The following ANKRD33B variants were observed in gnomAD, a reference collection of about 807,000 sequenced individuals.
The protein encoded by ANKRD33B is ankyrin repeat domain-containing protein 33B.
ANKRD33B carries 6 observed loss-of-function variants against 21.5 expected under a neutral mutation model. The ratio of observed to expected loss-of-function variants is 0.28; its 90% confidence interval spans 0.15 to 0.55. The LOEUF (loss-of-function observed/expected upper bound fraction) is 0.55, where lower values mean the gene tolerates loss of function less well. Ranked by LOEUF, ANKRD33B falls within the 20% of genes least tolerant of loss-of-function variation. The pLI is 0.94. For missense variants in ANKRD33B, 698 were observed against 747.2 expected (o/e 0.93, Z 0.77); for synonymous variants, 347 against 342.4 (o/e 1.01, Z -0.15).
intron 2 of ANKRD33B, among the ~76,000 whole-genome samples, chr5:10,634,675 T>A (rs11747713): frequency 6.7e-6 from 1 of 150,256 alleles, no homozygotes; most frequent in Non-Finnish European, 1.5e-5. Flanking sequence ...AGGCCGGTCT[T>A]GAACTCCTGG....
chr5:10,637,431 C>G (rs1023130930), intron 2 of ANKRD33B, among the ~76,000 whole-genome samples: 1 of 136,104 alleles, frequency 7.3e-6, no homozygotes, highest in African/African-American at 2.7e-5. Flanking sequence ...GTTAGACACA[C>G]ACACACACAC....
In ANKRD33B at chr5:10,619,219, G is replaced by C. The variant is rs925655333; in HGVS notation, c.496+757G>C. The stretch of plus-strand genomic sequence containing the variant: ...CTCCAAAGATTCTGTCTGTTTCATC[G>C]GTCAAGTTCTCAGTTGCAAGCAAAG... On this transcript the variant is annotated intron_variant, in intron 2 of 3. Transcript: ENST00000296657. The surrounding 1 kb of genome is among the most constrained non-coding windows in gnomAD (Gnocchi z 4.5). 1.8e-5 allele frequency: 14 copies of C among 789,186 alleles called. No homozygotes were observed. The highest frequency in any genetic ancestry group is 2.1e-5 in the Non-Finnish European group (14 of 651,172). The allele number at this position is 789,186 out of a possible 1,614,324, so 48.9% of individuals were successfully genotyped here. A position where few individuals can be genotyped will look rare whatever the true frequency, so the allele number is the denominator to read the frequency against.
At position 10,619,102 on chromosome 5, in the gene ANKRD33B, A is replaced by G. The variant is rs1736354375; in HGVS notation, c.496+640A>G. Among the ~76,000 whole-genome samples the G allele has an allele frequency of 6.6e-6, 1 of 152,180 alleles. No homozygotes were observed. The highest frequency in any genetic ancestry group is 1.5e-5 in the Non-Finnish European group (1 of 68,024). On this transcript the variant is annotated intron_variant, in intron 2 of 3. Transcript: ENST00000296657. This position sits in a 1 kb window ranked among gnomAD's most constrained non-coding sequence, Gnocchi z 4.5. ...TCCAGACATTTTTTTGAGGACAGAC[A>G]TGAAACCTATGCTTGCCTCTTCATA...
Position 10,650,501 on chromosome 5 carries a change from G to GT in ANKRD33B, c.*392dup, listed in dbSNP as rs141963763. On this transcript the variant is annotated 3_prime_UTR_variant, in exon 4 of 4. Transcript: ENST00000296657. ...GATAGGGCCCCTTATATCCAAGGCA[G>GT]TTTTAATACACTTGCCTGAAGACCT... The GT allele has an allele frequency of 6.4e-6, 1 of 156,050 alleles. No individual in the cohort carries two copies. Among genetic ancestry groups the GT allele is most frequent in the East Asian group, 1.8e-4 (1 of 5,440 alleles). 9.7% of individuals were successfully genotyped at this position (156,050 alleles called of 1,614,324 possible).
At chr5:10,641,792 T>C (rs911925174) in intron 3 of ANKRD33B, among the ~76,000 whole-genome samples, 64 of 132,586 alleles carry the variant, frequency 4.8e-4, no homozygotes, top group African/African-American at 1.7e-3. Flanking sequence ...ATGAAAACTT[T>C]CTTGGAAATA....
chr5:10,589,247 G>A (rs918683581), intron 1 of ANKRD33B, among the ~76,000 whole-genome samples: 1 of 152,100 alleles, frequency 6.6e-6, no homozygotes, highest in African/African-American at 2.4e-5. Context: ...CCTGCTGGTC[G>A]AAGGAGCAGG....
intron 2 of ANKRD33B, among the ~76,000 whole-genome samples, chr5:10,621,124 C>A (rs549814722): frequency 6.6e-6 from 1 of 152,284 alleles, no homozygotes; most frequent in African/African-American, 2.4e-5. Flanking sequence ...CTGAAGATGG[C>A]TCCAGTGTCC....
In ANKRD33B at chr5:10,649,837, G is replaced by A. The variant is rs1381469596; in HGVS notation, c.1209G>A (p.Lys403=). ...GCCCCGCAGCGCCCGCCCCGCGGAA[G>A]GCCAGCCTCCTGCCCCTGCAGCGCC... ...SRGPAAPAPR[K]ASLLPLQRLR... The change falls in exon 4 of 4, where the codon AAG becomes AAA. Residue 403 remains lysine, a synonymous_variant. Coordinates refer to ENST00000296657, the MANE Select transcript of ANKRD33B (RefSeq NM_001164440.2). The A allele has an allele frequency of 3.6e-6, 5 of 1,400,468 alleles. No homozygotes were observed. Among genetic ancestry groups the A allele is most frequent in the Non-Finnish European group, 4.6e-6 (5 of 1,082,726 alleles). 86.8% of individuals were successfully genotyped at this position (1,400,468 alleles called of 1,614,324 possible).
At chr5:10,648,259 C>T (rs1308269581) in intron 3 of ANKRD33B, among the ~76,000 whole-genome samples, 2 of 152,224 alleles carry the variant, frequency 1.3e-5, no homozygotes, top group Non-Finnish European at 2.9e-5. Context: ...GTGGGAGAAG[C>T]GAAGGAACCA....
intron 1 of ANKRD33B, among the ~76,000 whole-genome samples, chr5:10,582,380 G>C (rs187523886): frequency 3.3e-5 from 5 of 152,134 alleles, no homozygotes; most frequent in African/African-American, 1.2e-4. Flanking sequence ...CCTGTATCCA[G>C]TCATTTCCCA....
In ANKRD33B at chr5:10,656,300, TG is replaced by T. The variant is rs1425747567; in HGVS notation, c.*6188del. ...AAGCGACTCAGCTGAAAGCCGGTGT[TG>T]CATACACAATTTCCTCACGCTGACC... On this transcript the variant is annotated 3_prime_UTR_variant, in exon 4 of 4. Coordinates refer to ENST00000296657, the MANE Select transcript of ANKRD33B (RefSeq NM_001164440.2). 3 of 152,412 alleles carry T rather than the reference TG, an allele frequency of 2.0e-5. No homozygotes were observed. The highest frequency in any genetic ancestry group is 2.9e-5 in the Non-Finnish European group (2 of 68,042). 9.4% of individuals were successfully genotyped at this position (152,412 alleles called of 1,614,324 possible). A position where few individuals can be genotyped will look rare whatever the true frequency, so the allele number is the denominator to read the frequency against.
chr5:10,609,094 G>A (rs529375580), intron 1 of ANKRD33B, among the ~76,000 whole-genome samples: 2 of 152,298 alleles, frequency 1.3e-5, no homozygotes, highest in East Asian at 1.9e-4. Flanking sequence ...GAGGTGTGCC[G>A]TAAGTGTAAA....
At chr5:10,640,001 G>A (rs1236604076) in intron 3 of ANKRD33B, among the ~76,000 whole-genome samples, 1 of 72,240 alleles carries the variant, frequency 1.4e-5, no homozygotes, top group African/African-American at 3.8e-5. Context: ...CGATGTTAGC[G>A]GGTGACGTGG....
chr5:10,565,804 C>A (rs1362751239), intron 1 of ANKRD33B, among the ~76,000 whole-genome samples: 1 of 152,204 alleles, frequency 6.6e-6, no homozygotes, highest in Non-Finnish European at 1.5e-5. Flanking sequence ...GCGTTCTCAC[C>A]TGATTTTTGT....
intron 1 of ANKRD33B, among the ~76,000 whole-genome samples, chr5:10,603,765 G>A (rs1024937126): frequency 1.5e-4 from 22 of 151,564 alleles, no homozygotes; most frequent in African/African-American, 4.6e-4. Flanking sequence ...TTTATCTTAT[G>A]GTAATTTAAG....
At chr5:10,626,532 G>A (rs1313577142) in intron 2 of ANKRD33B, among the ~76,000 whole-genome samples, 20 of 152,196 alleles carry the variant, frequency 1.3e-4, no homozygotes, top group Admixed American at 1.3e-3. Flanking sequence ...TCAACCACAA[G>A]GACACTGCCT....
chr5:10,564,282 C>A lies in ANKRD33B; in HGVS notation c.-186C>A, dbSNP rs1246416549. The A allele has an allele frequency of 8.2e-6, 2 of 244,546 alleles. No individual in the cohort carries two copies. The highest frequency in any genetic ancestry group is 2.3e-5 in the African/African-American group (1 of 43,052). The allele number at this position is 244,546 out of a possible 1,614,324, so 15.1% of individuals were successfully genotyped here. A position where few individuals can be genotyped will look rare whatever the true frequency, so the allele number is the denominator to read the frequency against. On this transcript the variant is annotated 5_prime_UTR_variant, in exon 1 of 4. Transcript: ENST00000296657. ...CGCGGTCCCGCCCACCCCAGGGGCT[C>A]GCTCAGCCTCCGGAGACTTTTTTCT...
chr5:10,650,211 C>T lies in ANKRD33B; in HGVS notation c.*98C>T, dbSNP rs1737313792. 4 of 1,292,008 alleles carry T rather than the reference C, an allele frequency of 3.1e-6. No homozygotes were observed. Among genetic ancestry groups the T allele is most frequent in the Admixed American group, 3.5e-5 (1 of 28,662 alleles). 80.0% of individuals were successfully genotyped at this position (1,292,008 alleles called of 1,614,324 possible). ...GGCGGCCCCGTTGCGCATCGCACCA[C>T]TTCCGCTCCATGGACCACGGGGCTG... On this transcript the variant is annotated 3_prime_UTR_variant, in exon 4 of 4. Coordinates refer to ENST00000296657, the MANE Select transcript of ANKRD33B (RefSeq NM_001164440.2).
At chr5:10,594,493 C>T (rs1375531053) in intron 1 of ANKRD33B, among the ~76,000 whole-genome samples, 1 of 152,196 alleles carries the variant, frequency 6.6e-6, no homozygotes, top group Non-Finnish European at 1.5e-5. Context: ...GCTGGGATTA[C>T]AGGTGTGAAC....
Sources: allele counts gnomAD v4.1 joint callset (sites outside exome capture counted in the v4.1 genomes callset), GRCh38; gene constraint gnomAD v4.1.1; non-coding constraint Gnocchi (gnomAD v3.1); transcripts MANE v1.5; gene names NCBI Gene and HGNC (gene_info 2026-07-23, HGNC 2026-07-21).